BBS1: variants seen among roughly 807,000 people sequenced by gnomAD.
The protein encoded by BBS1 is Bardet-Biedl syndrome 1, also known as BBSome complex member BBS1.
BBS1 carries 60 observed loss-of-function variants against 73.9 expected under a neutral mutation model. That is an observed-to-expected ratio of 0.81 (90% CI 0.66 to 1.01). BBS1 has a LOEUF of 1.01. BBS1 is among the 50% of genes least tolerant of loss of function. The pLI is 0.00. For missense variants in BBS1, 718 were observed against 770.3 expected (o/e 0.93, Z 0.80); for synonymous variants, 283 against 317.4 (o/e 0.89, Z 1.15).
chr11:66,511,668 C>G (rs192629070), intron 3 of BBS1, among the ~76,000 whole-genome samples: 62 of 152,158 alleles, frequency 4.1e-4, no homozygotes, highest in Admixed American at 3.8e-3. Flanking sequence ...TTATATGAGT[C>G]TCTCTACTTT....
chr11:66,515,672 T>C (rs1264841977), intron 5 of BBS1, 21 bp from the exon 6 acceptor site: 6 of 1,614,058 alleles, frequency 3.7e-6, no homozygotes, highest in African/African-American at 1.3e-5. Flanking sequence ...TCGGCTGCCA[T>C]GCTGGCCCCT....
At chr11:66,519,507 T>C (rs943046043) in intron 7 of BBS1, 110 bp from the exon 8 acceptor site, 24 of 1,475,200 alleles carry the variant, frequency 1.6e-5, no homozygotes, top group Admixed American at 3.6e-5. Context: ...ATCTCTGATA[T>C]TTCCTCTTCA....
chr11:66,529,667 C>T (rs1452932294), intron 13 of BBS1, 152 bp from the exon 14 acceptor site: 3 of 997,648 alleles, frequency 3.0e-6, no homozygotes, highest in Non-Finnish European at 3.1e-6. Context: ...GAAGGCTGGG[C>T]TCTTTCCCTC....
In BBS1 at chr11:66,529,159, G is replaced by A; in HGVS notation, c.1340-660G>A. 4 of 983,468 alleles carry A rather than the reference G, an allele frequency of 4.1e-6. No individual in the cohort carries two copies. In the South Asian group the frequency reaches 1.9e-4, roughly 46 times the overall value. The allele number at this position is 983,468 out of a possible 1,614,324, so 60.9% of individuals were successfully genotyped here. On this transcript the variant is annotated intron_variant, in intron 13 of 16. Coordinates refer to ENST00000318312, the MANE Select transcript of BBS1 (RefSeq NM_024649.5). ...AGCGAAGCCAGCCTGGGGGACCGAG[G>A]TGCCCAGTCTGGAAGAGGAGGGACA...
chr11:66,529,018 C>G, intron 13 of BBS1: 1 of 853,510 alleles, frequency 1.2e-6, no homozygotes, highest in Non-Finnish European at 1.4e-6. Flanking sequence ...TTCTTCATAC[C>G]AGCCACAAAA....
At chr11:66,511,458 G>C (rs1239893891) in intron 3 of BBS1, among the ~76,000 whole-genome samples, 1 of 152,126 alleles carries the variant, frequency 6.6e-6, no homozygotes, top group Admixed American at 6.5e-5. Flanking sequence ...AATATTTCTG[G>C]GGATTCTACT....
chr11:66,526,681 AC>A lies in BBS1; in HGVS notation c.1214del (p.Thr405LysfsTer5), dbSNP rs1856515373. The A allele has an allele frequency of 1.2e-6, 2 of 1,614,086 alleles. No homozygotes were observed. Among genetic ancestry groups the A allele is most frequent in the African/African-American group, 2.7e-5 (2 of 74,930 alleles). On this transcript the variant is annotated frameshift_variant, in exon 13 of 17. Coordinates refer to ENST00000318312, the MANE Select transcript of BBS1 (RefSeq NM_024649.5). LOFTEE classifies it high-confidence loss of function. ...CCTGATCATCAAGATCCTGAAGCGTACAGCAGTGTTTGTAGAGGGAGGAAGT... is the reference window on the plus strand; with the variant it reads ...CCTGATCATCAAGATCCTGAAGCGTAAGCAGTGTTTGTAGAGGGAGGAAGT... Reference protein sequence around the residue: ...GGLIIKILKRTAVFVEGGSEV... With the variant: ...GGLIIKILKRXAVFVEGGSEV...
rs1450324405 is a variant in BBS1 at position 66,532,407 on chromosome 11, C to T, written c.*370C>T. 8.7e-6 allele frequency: 2 copies of T among 231,058 alleles called. No individual in the cohort carries two copies. The highest frequency in any genetic ancestry group is 2.2e-5 in the African/African-American group (1 of 44,712). The allele number at this position is 231,058 out of a possible 1,614,324, so 14.3% of individuals were successfully genotyped here. On this transcript the variant is annotated 3_prime_UTR_variant, in exon 17 of 17. Coordinates refer to ENST00000318312, the MANE Select transcript of BBS1 (RefSeq NM_024649.5). ...TGCCACGTCCCTCATGCACATCACT[C>T]ATCTCCTGCTGCAGGCCAAGGCCAA...
At chr11:66,518,313 A>C (rs946126498) in intron 7 of BBS1, among the ~76,000 whole-genome samples, 1 of 151,964 alleles carries the variant, frequency 6.6e-6, no homozygotes, top group South Asian at 2.1e-4. Flanking sequence ...GCTGGAGTGC[A>C]ATGGCATGAT....
At position 66,526,753 on chromosome 11, in the gene BBS1, C is replaced by G. The variant is rs768443448; in HGVS notation, c.1285C>G (p.Arg429Gly). 5 of 1,614,090 alleles carry G rather than the reference C, an allele frequency of 3.1e-6. 1 individual carries two copies. Among genetic ancestry groups the G allele is most frequent in the East Asian group, 4.5e-5 (2 of 44,890 alleles). Residue 429 changes from arginine to glycine, a missense_variant, in exon 13 of 17, where the codon CGA becomes GGA. Transcript: ENST00000318312. ...CCAGGCCATGAAACTCAATGTGCCCCGAAAGACCCGGCTTTACGTGGATCA... is the reference window on the plus strand; with the variant it reads ...CCAGGCCATGAAACTCAATGTGCCCGGAAAGACCCGGCTTTACGTGGATCA... ...PAQAMKLNVP[R>G]KTRLYVDQTL...
In BBS1 at chr11:66,526,632, A is replaced by G. The variant is rs376220397; in HGVS notation, c.1181-17A>G. Reference sequence around the variant, plus strand: ...AACTGGGGAGGACAAATCCATTTCCACTGTCCACTTCCCTAGGTGGTGGCC... The same window carrying G: ...AACTGGGGAGGACAAATCCATTTCCGCTGTCCACTTCCCTAGGTGGTGGCC... On this transcript the variant is annotated splice_polypyrimidine_tract_variant and intron_variant, in intron 12 of 16. Transcript: ENST00000318312. The G allele has an allele frequency of 5.6e-6, 9 of 1,614,052 alleles. No homozygotes were observed. The highest frequency in any genetic ancestry group is 1.1e-5 in the South Asian group (1 of 91,086).
chr11:66,524,271 C>T (rs1856386655), intron 11 of BBS1: 1 of 324,574 alleles, frequency 3.1e-6, no homozygotes, highest in East Asian at 8.0e-5. Flanking sequence ...CAGAGCGAGA[C>T]TCCATCTTAA....
intron 3 of BBS1, among the ~76,000 whole-genome samples, chr11:66,512,758 G>A (rs1240798461): frequency 6.6e-6 from 1 of 152,014 alleles, no homozygotes; most frequent in Non-Finnish European, 1.5e-5. Flanking sequence ...TGGATCACGA[G>A]GTCAGGAGTT....
chr11:66,526,198 T>G lies in BBS1; in HGVS notation c.1180+6T>G, dbSNP rs201274483. On this transcript the variant is annotated splice_donor_region_variant and intron_variant, in intron 12 of 16. Transcript: ENST00000318312. The stretch of plus-strand genomic sequence containing the variant: ...CCTCATCATGACCACTCGAGGTGAG[T>G]GGAGTCAGACCTGGCAAGGGCTTTG... 6.2e-7 allele frequency: 1 copy of G among 1,613,644 alleles called. No individual in the cohort carries two copies. Among genetic ancestry groups the G allele is most frequent in the African/African-American group, 1.3e-5 (1 of 74,912 alleles).
chr11:66,517,617 A>G (rs10896124), intron 7 of BBS1, among the ~76,000 whole-genome samples: 35,165 of 151,162 alleles, frequency 0.23, 4,336 homozygotes, highest in East Asian at 0.27. Context: ...ACAGGCGCAC[A>G]CCACCACGCC....
rs1348187150 is a variant in BBS1, at chr11:66,511,240, GT to G, written c.159+2del. On this transcript the variant is annotated splice_donor_variant, in intron 3 of 16. Coordinates refer to ENST00000318312, the MANE Select transcript of BBS1 (RefSeq NM_024649.5). LOFTEE classifies it high-confidence loss of function. ...TTTACATGGGGATGGGGAATACAAG[GT>G]AAGCATATCACCCTAGCCAGGAGAG... is the stretch of plus-strand genomic sequence containing the variant. The G allele has an allele frequency of 1.2e-6, 2 of 1,614,134 alleles. No homozygotes were observed. The highest frequency in any genetic ancestry group is 3.3e-5 in the Admixed American group (2 of 60,008).
In BBS1 at chr11:66,515,566, G is replaced by A. The variant is rs1856031426; in HGVS notation, c.459G>A (p.Lys153=). ...KEDRIDPLTL[K]EMLESIRETA... is the part of the protein sequence containing the mutation. ...ACCGAATCGACCCCTTAACCCTGAA[G>A]GAGATGCTGGAGAGCATCCGGTGAG... is the stretch of plus-strand genomic sequence containing the variant. The change falls in exon 5 of 17, where the codon AAG becomes AAA. Residue 153 remains lysine, a synonymous_variant. Coordinates refer to ENST00000318312, the MANE Select transcript of BBS1 (RefSeq NM_024649.5). 6.2e-7 allele frequency: 1 copy of A among 1,614,056 alleles called. No individual in the cohort carries two copies. Among genetic ancestry groups the A allele is most frequent in the African/African-American group, 1.3e-5 (1 of 74,904 alleles).
chr11:66,511,408 T>C (rs886415093), intron 3 of BBS1, among the ~76,000 whole-genome samples, 169 bp downstream of exon 3: 2 of 152,216 alleles, frequency 1.3e-5, no homozygotes, highest in African/African-American at 2.4e-5. Context: ...AGAGAACTTA[T>C]TGATTTCATA....
intron 7 of BBS1, among the ~76,000 whole-genome samples, chr11:66,519,227 T>C (rs1364175320): frequency 1.3e-5 from 2 of 152,080 alleles, no homozygotes; most frequent in African/African-American, 2.4e-5. Flanking sequence ...AAAAAGTAGC[T>C]GGGCACGGTG....
Sources: gnomAD v4.1 joint callset for allele counts (sites outside exome capture counted in the v4.1 genomes callset) on GRCh38, gnomAD v4.1.1 for gene constraint, MANE v1.5 for transcripts, NCBI Gene and HGNC (gene_info 2026-07-23, HGNC 2026-07-21) for gene names.